Variants in KIF26B observed in about 807,000 individuals in gnomAD.
KIF26B encodes the protein kinesin family member 26B.
KIF26B carries 63 observed loss-of-function variants against 151.2 expected under a neutral mutation model. The observed-to-expected ratio is 0.42, with a 90% CI of 0.34 to 0.51. The LOEUF is 0.51. KIF26B is among the 20% of genes least tolerant of loss of function. The pLI is 0.07. For missense variants in KIF26B, 2,813 were observed against 2,913.6 expected, an observed-to-expected ratio of 0.97 and a Z score of 0.79; for synonymous variants, 1,357 against 1,262.1, an observed-to-expected ratio of 1.08 and a Z score of -1.59.
chr1:245,158,294 G>T (rs1668478411), intron 2 of KIF26B, among the ~76,000 whole-genome samples: 1 of 152,242 alleles, frequency 6.6e-6, no homozygotes, highest in Non-Finnish European at 1.5e-5. Context: ...TAAAAAAAGA[G>T]GAGGGGAAGG....
At chr1:245,647,744 T>A (rs1471114662) in intron 10 of KIF26B, among the ~76,000 whole-genome samples, 1 of 152,184 alleles carries the variant, frequency 6.6e-6, no homozygotes, top group African/African-American at 2.4e-5. Context: ...AGCCCTATGT[T>A]GATGCCAGAC....
chr1:245,410,941 G>A (rs952156098), intron 3 of KIF26B, among the ~76,000 whole-genome samples: 12 of 151,780 alleles, frequency 7.9e-5, no homozygotes, highest in Non-Finnish European at 1.5e-4. Flanking sequence ...ACTATTTTAG[G>A]TACTTCAGAT....
intron 2 of KIF26B, among the ~76,000 whole-genome samples, chr1:245,210,884 C>A (rs1669506812): frequency 6.6e-6 from 1 of 152,110 alleles, no homozygotes; most frequent in Non-Finnish European, 1.5e-5. Context: ...CATAGGAAGC[C>A]CTTTCAGAAG....
chr1:245,445,127 T>C (rs1344613073), intron 4 of KIF26B, among the ~76,000 whole-genome samples: 3 of 152,206 alleles, frequency 2.0e-5, no homozygotes, highest in African/African-American at 7.2e-5. Flanking sequence ...AAGCATGTTA[T>C]GGTTTTACTC....
intron 2 of KIF26B, among the ~76,000 whole-genome samples, chr1:245,225,627 C>T (rs1669858909): frequency 6.6e-6 from 1 of 152,198 alleles, no homozygotes; most frequent in South Asian, 2.1e-4. Context: ...GGGTTCTTCC[C>T]TCGTCTTCCA....
At chr1:245,300,947 C>T (rs943667598) in intron 2 of KIF26B, among the ~76,000 whole-genome samples, 1 of 151,644 alleles carries the variant, frequency 6.6e-6, no homozygotes, top group African/African-American at 2.4e-5. Flanking sequence ...TCTCCTGCCT[C>T]AGCCCCCCAG....
chr1:245,331,683 G>C (rs986020201), intron 2 of KIF26B, among the ~76,000 whole-genome samples: 3 of 152,154 alleles, frequency 2.0e-5, no homozygotes, highest in African/African-American at 7.2e-5. Context: ...GATGATAGAT[G>C]GAGAGATAGC....
In KIF26B at chr1:245,395,951, T is replaced by A. The variant is rs60443510; in HGVS notation, c.1000-23628T>A. ...TCTGTAGAACAGGGGGGGAAATTTCTTCCTAGCGATGGTGTTGTAAAAAAT... is the reference window on the plus strand; with the variant it reads ...TCTGTAGAACAGGGGGGGAAATTTCATCCTAGCGATGGTGTTGTAAAAAAT... On this transcript the variant is annotated intron_variant, in intron 3 of 14. Coordinates refer to ENST00000407071, the MANE Select transcript of KIF26B (RefSeq NM_018012.4). Among the ~76,000 whole-genome samples the A allele has an allele frequency of 7.0e-4, 106 of 152,308 alleles. 2 individuals carry two copies. The East Asian group carries it at 0.02, about 28-fold the overall frequency.
chr1:245,198,710 G>A (rs940856631), intron 2 of KIF26B, among the ~76,000 whole-genome samples: 4 of 149,626 alleles, frequency 2.7e-5, no homozygotes, highest in African/African-American at 4.9e-5. Flanking sequence ...CTGGGCAATA[G>A]AGAGAGACTC....
rs147957728 is a variant in KIF26B at position 245,360,069 on chromosome 1, C to T, written c.466-6765C>T. 9.1e-3 allele frequency among the ~76,000 whole-genome samples: 1,378 copies of T among 151,778 alleles called. 20 individuals are homozygous for T. The highest frequency in any genetic ancestry group is 0.04 in the East Asian group (206 of 5,150). ...TTTATTTTTAGGAGAGATGGGGTTT[C>T]TCCACGTTGGCCAGGATGGTCTCAA... On this transcript the variant is annotated intron_variant, in intron 2 of 14. Transcript: ENST00000407071.
rs774273219 is a variant in KIF26B at position 245,337,687 on chromosome 1, T to C, written c.466-29147T>C. The stretch of plus-strand genomic sequence containing the variant: ...TGAATTAATAAATAAATGACTATGG[T>C]GTGTGTGTTTATAGGTGCACACACA... On this transcript the variant is annotated intron_variant, in intron 2 of 14. Coordinates refer to ENST00000407071, the MANE Select transcript of KIF26B (RefSeq NM_018012.4). Among the ~76,000 whole-genome samples the C allele has an allele frequency of 9.2e-4, 140 of 152,248 alleles. No homozygotes were observed. The Middle Eastern group carries it at 0.048, about 52-fold the overall frequency.
chr1:245,402,054 C>T (rs1468776038), intron 3 of KIF26B, among the ~76,000 whole-genome samples: 1 of 152,112 alleles, frequency 6.6e-6, no homozygotes, highest in African/African-American at 2.4e-5. Context: ...TTGAGGCTCC[C>T]CTAGGCCTCA....
chr1:245,517,178 G>T (rs545206845), intron 4 of KIF26B, among the ~76,000 whole-genome samples: 11 of 152,128 alleles, frequency 7.2e-5, no homozygotes, highest in Non-Finnish European at 1.2e-4. Flanking sequence ...TCAACATGGC[G>T]AAAACCCTAC....
rs934831956 is a variant in KIF26B, at chr1:245,330,867, C to T, written c.466-35967C>T. On this transcript the variant is annotated intron_variant, in intron 2 of 14. Coordinates refer to ENST00000407071, the MANE Select transcript of KIF26B (RefSeq NM_018012.4). ...TCGGAGGATGTCTGATATATTCACT[C>T]CTTCCTTTAATGATTTCAAATGAAG... Among the ~76,000 whole-genome samples, 53 of 149,526 alleles carry T rather than the reference C, an allele frequency of 3.5e-4. No homozygotes were observed. In the Middle Eastern group the frequency reaches 0.014, roughly 39 times the overall value.
chr1:245,700,185 C>G (rs549299510), intron 14 of KIF26B, among the ~76,000 whole-genome samples: 12 of 152,310 alleles, frequency 7.9e-5, no homozygotes, highest in Admixed American at 7.8e-4. Flanking sequence ...TTCTCACATA[C>G]TAGCTGTGGG....
Position 245,706,203 on chromosome 1 carries a change from G to A in KIF26B, c.*3597G>A, listed in dbSNP as rs2044838990. On this transcript the variant is annotated 3_prime_UTR_variant, in exon 15 of 15. Coordinates refer to ENST00000407071, the MANE Select transcript of KIF26B (RefSeq NM_018012.4). ...CCAGCCGCATCTACCATCCAGGGTG[G>A]AGGTTCAAAAAGTCTTATACGCACC... 6.6e-6 allele frequency: 1 copy of A among 152,196 alleles called. No individual in the cohort carries two copies. The highest frequency in any genetic ancestry group is 2.1e-4 in the South Asian group (1 of 4,826). The allele number at this position is 152,196 out of a possible 1,614,324, so 9.4% of individuals were successfully genotyped here. A position where few individuals can be genotyped will look rare whatever the true frequency, so the allele number is the denominator to read the frequency against.
At position 245,170,607 on chromosome 1, in the gene KIF26B, AGTGTCTTGTGAG is replaced by A. The variant is rs1668692865; in HGVS notation, c.465+13927_465+13938del. On this transcript the variant is annotated intron_variant, in intron 2 of 14. Transcript: ENST00000407071. The surrounding 1 kb of genome is among the most constrained non-coding windows in gnomAD (Gnocchi z 4.4). ...CTGAGATCAAGGCCCCATCAGATTGAGTGTCTTGTGAGGTCTGCTTTTTGATTCATAGATGGC... is the reference window on the plus strand; with the variant it reads ...CTGAGATCAAGGCCCCATCAGATTGAGTCTGCTTTTTGATTCATAGATGGC... Among the ~76,000 whole-genome samples, 1 of 152,120 alleles carries A rather than the reference AGTGTCTTGTGAG, an allele frequency of 6.6e-6. No individual in the cohort carries two copies. Among genetic ancestry groups the A allele is most frequent in the African/African-American group, 2.4e-5 (1 of 41,422 alleles).
Position 245,220,718 on chromosome 1 carries a change from C to G in KIF26B, c.465+64035C>G, listed in dbSNP as rs1669750353. Among the ~76,000 whole-genome samples, 2 of 152,032 alleles carry G rather than the reference C, an allele frequency of 1.3e-5. 1 individual carries two copies. The highest frequency in any genetic ancestry group is 4.1e-4 in the South Asian group (2 of 4,828). On this transcript the variant is annotated intron_variant, in intron 2 of 14. Transcript: ENST00000407071. ...GCTGGTTTTCTTTAACTACCAGAAA[C>G]ACCAGCATTGTTTCAGAAAGCCACA...
At chr1:245,316,604 TG>T (rs1671781352) in intron 2 of KIF26B, among the ~76,000 whole-genome samples, 1 of 152,138 alleles carries the variant, frequency 6.6e-6, no homozygotes, top group African/African-American at 2.4e-5. Context: ...AAGAGATAGT[TG>T]TAGCCTGTTT....
Sources: allele counts gnomAD v4.1 joint callset (sites outside exome capture counted in the v4.1 genomes callset), GRCh38; gene constraint gnomAD v4.1.1; non-coding constraint Gnocchi (gnomAD v3.1); transcripts MANE v1.5; gene names NCBI Gene and HGNC (gene_info 2026-07-23, HGNC 2026-07-21).